Variants in THSD7B observed in about 807,000 individuals in gnomAD.
THSD7B encodes the protein thrombospondin type 1 domain containing 7B.
A neutral mutation model predicts 213.6 loss-of-function variants in THSD7B; 138 were observed. The observed-to-expected ratio is 0.65, with a 90% confidence interval of 0.56 to 0.74. The LOEUF is 0.74. Among genes scored for constraint, THSD7B ranks in the 30% least tolerant of loss-of-function variants. The pLI, the probability that THSD7B is intolerant of heterozygous loss-of-function variation, is 0.00. For missense variants in THSD7B, 1,931 were observed against 1,991.5 expected (o/e 0.97, Z 0.58); for synonymous variants, 742 against 687.0 (o/e 1.08, Z -1.25).
intron 1 of THSD7B, among the ~76,000 whole-genome samples, chr2:136,881,392 C>G (rs921716599): frequency 6.6e-6 from 1 of 152,140 alleles, no homozygotes; most frequent in Non-Finnish European, 1.5e-5. Flanking sequence ...TATACCGACA[C>G]AGAGACTGTG....
intron 12 of THSD7B, among the ~76,000 whole-genome samples, chr2:137,396,518 G>C (rs1686192975): frequency 6.9e-6 from 1 of 144,952 alleles, no homozygotes; most frequent in Non-Finnish European, 1.5e-5. Context: ...ATTGCACTGT[G>C]GTCTGAGAGA....
chr2:137,154,455 A>C (rs1679875195), intron 5 of THSD7B, among the ~76,000 whole-genome samples: 1 of 152,174 alleles, frequency 6.6e-6, no homozygotes, highest in African/African-American at 2.4e-5. Flanking sequence ...ACTTTAAGCA[A>C]ATATAACTTC....
chr2:136,853,035 T>TGCATGTGTGTGTGTGC lies in THSD7B; in HGVS notation c.-35-29108_-35-29093dup, dbSNP rs1184132045. Among the ~76,000 whole-genome samples, 14 of 151,974 alleles carry TGCATGTGTGTGTGTGC rather than the reference T, an allele frequency of 9.2e-5. No individual in the cohort carries two copies. In the East Asian group the frequency reaches 2.7e-3, roughly 29 times the overall value. On this transcript the variant is annotated intron_variant, in intron 1 of 27. Coordinates refer to ENST00000409968, the MANE Select transcript of THSD7B (RefSeq NM_001316349.2). ...CCACCACTTTGCATGTGTGTGTGTG[T>TGCATGTGTGTGTGTGC]GCATGTGTGTGTGTGCATGTGCATG...
rs143604318 is a variant in THSD7B at position 137,219,900 on chromosome 2, G to A, written c.1724-11144G>A. 7.8e-4 allele frequency among the ~76,000 whole-genome samples: 119 copies of A among 152,290 alleles called. 1 individual carries two copies. In the South Asian group the frequency reaches 0.011, roughly 14 times the overall value. ...ATTGCATCATACAGGTTGACAGGAT[G>A]TTATAGTGCTAGACTCTCAGTTGTT... is the stretch of plus-strand genomic sequence containing the variant. On this transcript the variant is annotated intron_variant, in intron 7 of 27. Transcript: ENST00000409968.
Position 137,056,784 on chromosome 2 carries a change from A to G in THSD7B, c.504A>G (p.Thr168=). ...ICEHFALQPP[T]EQACLIPCPR... is the part of the protein sequence containing the mutation. ...AACACTTTGCCCTTCAGCCTCCTAC[A>G]GAACAGGCTTGCCTCATTCCTTGTC... Residue 168 remains threonine (T), a synonymous_variant, in exon 3 of 28, where the codon ACA becomes ACG. Transcript: ENST00000409968. 6.2e-7 allele frequency: 1 copy of G among 1,614,004 alleles called. No individual in the cohort carries two copies. Among genetic ancestry groups the G allele is most frequent in the South Asian group, 1.1e-5 (1 of 91,084 alleles).
intron 2 of THSD7B, among the ~76,000 whole-genome samples, chr2:136,897,259 C>T (rs910586419): frequency 3.9e-5 from 6 of 152,144 alleles, no homozygotes; most frequent in Admixed American, 1.3e-4. Flanking sequence ...AATGAAGTCA[C>T]GGACCTGCAT....
chr2:137,414,205 C>A (rs1686739990), intron 14 of THSD7B, among the ~76,000 whole-genome samples: 1 of 152,028 alleles, frequency 6.6e-6, no homozygotes, highest in Non-Finnish European at 1.5e-5. Context: ...ATGCTTTAAT[C>A]AAAATTTACT....
At chr2:137,073,417 G>T (rs1372725050) in intron 3 of THSD7B, among the ~76,000 whole-genome samples, 1 of 152,130 alleles carries the variant, frequency 6.6e-6, no homozygotes, top group African/African-American at 2.4e-5. Flanking sequence ...ATTCTCTGAT[G>T]GTAGTTTGTA....
At chr2:137,243,931 G>T (rs994795473) in intron 10 of THSD7B, among the ~76,000 whole-genome samples, 14 of 152,196 alleles carry the variant, frequency 9.2e-5, no homozygotes, top group Non-Finnish European at 1.9e-4. Flanking sequence ...TGAAAATACA[G>T]TGCTTTATTT....
At chr2:137,220,065 G>C (rs908560349) in intron 7 of THSD7B, among the ~76,000 whole-genome samples, 3 of 152,126 alleles carry the variant, frequency 2.0e-5, no homozygotes, top group Non-Finnish European at 4.4e-5. Context: ...TAATACAGAA[G>C]TTTCAACTCT....
At chr2:137,166,715 T>G (rs1371332849) in intron 6 of THSD7B, among the ~76,000 whole-genome samples, 1 of 152,222 alleles carries the variant, frequency 6.6e-6, no homozygotes, top group Non-Finnish European at 1.5e-5. Context: ...AGATGTTACA[T>G]ACCAAAAATG....
At chr2:137,171,083 C>A in intron 7 of THSD7B, 145 bp downstream of exon 7, 1 of 934,866 alleles carries the variant, frequency 1.1e-6, no homozygotes, top group Non-Finnish European at 1.6e-6. Context: ...TCGAGTGACA[C>A]ATTGCTGCAA....
At chr2:137,355,267 A>G (rs1487573967) in intron 12 of THSD7B, among the ~76,000 whole-genome samples, 1 of 152,168 alleles carries the variant, frequency 6.6e-6, no homozygotes, top group African/African-American at 2.4e-5. Context: ...TAACCCTGAA[A>G]TGTGAATGGC....
rs189682652 is a variant in THSD7B, at chr2:136,841,963, A to T, written c.-35-40181A>T. 1.2e-3 allele frequency among the ~76,000 whole-genome samples: 184 copies of T among 152,308 alleles called. 1 individual carries two copies. The highest frequency in any genetic ancestry group is 5.9e-5 in the Non-Finnish European group (4 of 68,028). On this transcript the variant is annotated intron_variant, in intron 1 of 27. Coordinates refer to ENST00000409968, the MANE Select transcript of THSD7B (RefSeq NM_001316349.2). ...GACCTTCTGCAAAGAAAATAAAAAT[A>T]TGCTTATTTTTTCTGAAGAAATGAA...
intron 1 of THSD7B, among the ~76,000 whole-genome samples, chr2:136,868,878 T>A (rs1202271084): frequency 6.6e-6 from 1 of 152,224 alleles, no homozygotes; most frequent in Non-Finnish European, 1.5e-5. Flanking sequence ...TTCTCAGGTA[T>A]CTATTTTATT....
intron 16 of THSD7B, among the ~76,000 whole-genome samples, chr2:137,571,736 CAG>C: frequency 6.6e-6 from 1 of 152,164 alleles, no homozygotes; most frequent in Non-Finnish European, 1.5e-5. Flanking sequence ...AAACCTGACA[CAG>C]AGTAGGCCAA....
At chr2:137,486,039 T>C (rs1303973898) in intron 15 of THSD7B, among the ~76,000 whole-genome samples, 1 of 152,068 alleles carries the variant, frequency 6.6e-6, no homozygotes, top group Non-Finnish European at 1.5e-5. Flanking sequence ...CGCTGCAAAA[T>C]CATGCCAAAT....
At chr2:137,240,572 A>T (rs1029426161) in intron 9 of THSD7B, among the ~76,000 whole-genome samples, 1 of 151,824 alleles carries the variant, frequency 6.6e-6, no homozygotes, top group African/African-American at 2.4e-5. Flanking sequence ...GTGCAGGGGT[A>T]TGATCATAGC....
intron 8 of THSD7B, 29 bp from the exon 9 acceptor site, chr2:137,232,870 G>A (rs1444997141): frequency 3.1e-6 from 5 of 1,602,344 alleles, no homozygotes; most frequent in Non-Finnish European, 4.3e-6. Flanking sequence ...CAACCACTAT[G>A]TATTACCTTT....
Sources: gnomAD v4.1 joint callset for allele counts (sites outside exome capture counted in the v4.1 genomes callset) on GRCh38, gnomAD v4.1.1 for gene constraint, MANE v1.5 for transcripts, NCBI Gene and HGNC (gene_info 2026-07-23, HGNC 2026-07-21) for gene names.